Variants in RIC3 observed in about 807,000 individuals in gnomAD.
RIC3 encodes the protein protein RIC-3.
A neutral mutation model predicts 27.3 loss-of-function variants in RIC3; 28 were observed. The observed-to-expected ratio is 1.02, with a 90% CI of 0.76 to 1.41. The LOEUF is 1.41. Among genes scored for constraint, RIC3 ranks in the 40% most tolerant of loss-of-function variants. RIC3 has a pLI of 0.00. For missense variants in RIC3, 501 were observed against 444.7 expected, an observed-to-expected ratio of 1.13 and a Z score of -1.14; for synonymous variants, 184 against 160.4, an observed-to-expected ratio of 1.15 and a Z score of -1.11.
the RIC3 span, chr11:8,096,914 C>A: frequency 7.5e-7 from 1 of 1,339,902 alleles, no homozygotes; most frequent in Non-Finnish European, 1.1e-6. Flanking sequence ...AGCTTCTCTG[C>A]TGGCCTCTTA....
At chr11:8,142,349 C>T (rs1949175706) in intron 1 of RIC3, among the ~76,000 whole-genome samples, 1 of 150,872 alleles carries the variant, frequency 6.6e-6, no homozygotes, top group African/African-American at 2.5e-5. Flanking sequence ...GGGGATATCA[C>T]CACCTATCCC....
the RIC3 span, chr11:8,095,410 C>T: frequency 7.1e-7 from 1 of 1,404,074 alleles, no homozygotes; most frequent in African/African-American, 1.4e-5. Flanking sequence ...TTTCCCCACT[C>T]TTCCCTCATC....
At chr11:8,161,558 A>G (rs1010900321) in intron 1 of RIC3, among the ~76,000 whole-genome samples, 19 of 151,964 alleles carry the variant, frequency 1.3e-4, no homozygotes, top group African/African-American at 4.6e-4. Flanking sequence ...ACTCCTCTCA[A>G]CTCCAGAGTG....
chr11:8,100,116 G>T, the RIC3 span, among the ~76,000 whole-genome samples: 1 of 152,216 alleles, frequency 6.6e-6, no homozygotes, highest in African/African-American at 2.4e-5. Context: ...GGCAAAGGCT[G>T]TTAGAATGAT....
chr11:8,101,665 T>C (rs1944313983), downstream of RIC3: 1 of 1,599,964 alleles, frequency 6.3e-7, no homozygotes, highest in South Asian at 1.1e-5. Context: ...GAGCGGAGCT[T>C]GCCTGCCTGC....
At chr11:8,093,819 T>G in the RIC3 span, among the ~76,000 whole-genome samples, 1 of 152,188 alleles carries the variant, frequency 6.6e-6, no homozygotes, top group African/African-American at 2.4e-5. Flanking sequence ...TTGACTTGAT[T>G]ACACTGGGCT....
downstream of RIC3, chr11:8,105,736 CCTTT>C (rs1261863672): frequency 1.3e-5 from 2 of 152,196 alleles, no homozygotes; most frequent in Admixed American, 1.3e-4. Flanking sequence ...CATCACTGTG[CCTTT>C]TTTTCTTTCC....
At chr11:8,121,152 C>A (rs1046923394) in intron 5 of RIC3, among the ~76,000 whole-genome samples, 4 of 152,066 alleles carry the variant, frequency 2.6e-5, no homozygotes, top group Non-Finnish European at 5.9e-5. Context: ...AGAAATGACA[C>A]TTAAAACAGA....
At chr11:8,155,791 C>T (rs1440225025) in intron 1 of RIC3, among the ~76,000 whole-genome samples, 1 of 151,952 alleles carries the variant, frequency 6.6e-6, no homozygotes, top group African/African-American at 2.4e-5. Context: ...ATAGAAACAG[C>T]GGTTCAAGAA....
At chr11:8,161,241 G>C (rs770843643) in intron 1 of RIC3, among the ~76,000 whole-genome samples, 30 of 152,170 alleles carry the variant, frequency 2.0e-4, no homozygotes, top group Non-Finnish European at 3.7e-4. Context: ...ACCTGCTTAG[G>C]AACAAAAGGA....
At chr11:8,152,524 A>G (rs996038314) in intron 1 of RIC3, among the ~76,000 whole-genome samples, 1 of 152,252 alleles carries the variant, frequency 6.6e-6, no homozygotes, top group East Asian at 1.9e-4. Context: ...TCAAGTCTAT[A>G]GGACAGAAAG....
chr11:8,103,972 C>G (rs868638876), downstream of RIC3: 8 of 152,204 alleles, frequency 5.3e-5, no homozygotes, highest in Non-Finnish European at 4.4e-5. Context: ...AGCTTTCTAG[C>G]CTAAGTGTGG....
intron 5 of RIC3, among the ~76,000 whole-genome samples, chr11:8,115,533 T>C (rs1047546270): frequency 6.6e-6 from 1 of 151,962 alleles, no homozygotes; most frequent in Non-Finnish European, 1.5e-5. Flanking sequence ...ATAGGCTAGG[T>C]GCGGTGGCTA....
chr11:8,158,015 T>C (rs1244868446), intron 1 of RIC3, among the ~76,000 whole-genome samples: 2 of 151,740 alleles, frequency 1.3e-5, no homozygotes, highest in Non-Finnish European at 2.9e-5. Context: ...AGATCTCTGA[T>C]GCTTCATTAG....
the RIC3 span, chr11:8,095,613 T>G: frequency 6.2e-7 from 1 of 1,612,062 alleles, no homozygotes; most frequent in East Asian, 2.2e-5. Context: ...CGGCAGCTGG[T>G]GGGGGCGAAC....
intron 5 of RIC3, among the ~76,000 whole-genome samples, chr11:8,122,864 C>CAAAAAAA (rs55826618): frequency 1.6e-5 from 1 of 63,512 alleles, no homozygotes; most frequent in Non-Finnish European, 3.1e-5. Context: ...ACCAGGTATG[C>CAAAAAAA]AAAAAAAAAA....
intron 5 of RIC3, among the ~76,000 whole-genome samples, chr11:8,122,217 T>C (rs1041805374): frequency 6.6e-6 from 1 of 152,206 alleles, no homozygotes; most frequent in Non-Finnish European, 1.5e-5. Context: ...ACCCCTTATG[T>C]TGCCCTTTCA....
chr11:8,098,380 C>T, the RIC3 span, among the ~76,000 whole-genome samples: 6 of 152,232 alleles, frequency 3.9e-5, no homozygotes, highest in African/African-American at 1.2e-4. Context: ...AGGCTGGCTG[C>T]GACAGAGGAG....
intron 1 of RIC3, among the ~76,000 whole-genome samples, chr11:8,156,309 G>GTCAGATTTTTTGCTGCAAGTT (rs1950647844): frequency 6.6e-6 from 1 of 152,172 alleles, no homozygotes; most frequent in African/African-American, 2.4e-5. Flanking sequence ...CACCTTTTCA[G>GTCAGATTTTTTGCTGCAAGTT]TCAGTTACTG....
Sources: allele counts gnomAD v4.1 joint callset (sites outside exome capture counted in the v4.1 genomes callset), GRCh38; gene constraint gnomAD v4.1.1; transcripts MANE v1.5; gene names NCBI Gene and HGNC (gene_info 2026-07-23, HGNC 2026-07-21).